CYP3A4: variants seen among roughly 807,000 people sequenced by gnomAD.
The protein encoded by CYP3A4 is cytochrome P450 3A4.
Under a neutral mutation model 54.9 loss-of-function variants are expected in CYP3A4, and 41 were observed. That is an observed-to-expected ratio of 0.75 (90% confidence interval 0.58 to 0.97). CYP3A4 has a LOEUF of 0.97. Ranked by LOEUF, CYP3A4 falls within the 50% of genes least tolerant of loss-of-function variation. The pLI is 0.00. For synonymous variants in CYP3A4, 179 were observed against 205.2 expected (o/e 0.87, Z 1.09); for missense variants, 510 against 597.3 (o/e 0.85, Z 1.52).
chr7:99,757,154 T>C lies in CYP3A4; in HGVS notation c.*979A>G, dbSNP rs1815195106. 6.6e-6 allele frequency: 1 copy of C among 152,184 alleles called. No homozygotes were observed. The highest frequency in any genetic ancestry group is 2.1e-4 in the South Asian group (1 of 4,822). 9.4% of individuals were successfully genotyped at this position (152,184 alleles called of 1,614,324 possible). On this transcript the variant is annotated 3_prime_UTR_variant, in exon 13 of 13. Coordinates refer to ENST00000651514, the MANE Select transcript of CYP3A4 (RefSeq NM_017460.6). ...TATAATAAGAGCTTCAGTTCTTTGT[T>C]ACAAAATGTACGTGCTTCAAAAAGG...
intron 4 of CYP3A4, 115 bp downstream of exon 4, chr7:99,772,475 A>G: frequency 8.6e-6 from 11 of 1,279,394 alleles, no homozygotes; most frequent in South Asian, 6.6e-5. Flanking sequence ...GGACAGGATG[A>G]AGTGGACGTG....
chr7:99,763,223 T>C (rs1375838321), intron 10 of CYP3A4, among the ~76,000 whole-genome samples: 4 of 151,974 alleles, frequency 2.6e-5, no homozygotes, highest in African/African-American at 4.8e-5. Flanking sequence ...TATCCAACTA[T>C]GATGTGTGGA....
rs201431447 is a variant in CYP3A4, at chr7:99,784,050, G to A, written c.32C>T (p.Thr11Ile). 229 of 1,614,068 alleles carry A rather than the reference G, an allele frequency of 1.4e-4. No individual in the cohort carries two copies. The highest frequency in any genetic ancestry group is 1.8e-4 in the Non-Finnish European group (213 of 1,179,944). The change falls in exon 1 of 13, where the codon ACC becomes ATC. Residue 11 changes from threonine (T) to isoleucine (I), a missense_variant. Physicochemically the swap from Thr to Ile is moderately conservative, Grantham distance 89 (BLOSUM62 -1). This residue lies in a region of CYP3A4 where 272 missense variants were observed against 274.9 expected (regional missense o/e 0.99). Transcript: ENST00000651514. MALIPDLAME[T>I]WLLLAVSLVL... ...CAGGCTGACAGCCAGGAGAAGCCAG[G>A]TTTCCATGGCCAAGTCTGGGATGAG...
chr7:99,763,340 A>G (rs1815387216), intron 10 of CYP3A4, among the ~76,000 whole-genome samples: 1 of 152,236 alleles, frequency 6.6e-6, no homozygotes, highest in Non-Finnish European at 1.5e-5. Flanking sequence ...AAATGTGACT[A>G]ATAGGCTATG....
rs1006181087 is a variant in CYP3A4 at position 99,762,118 on chromosome 7, C to T, written c.1176G>A (p.Val392=). The T allele has an allele frequency of 1.2e-6, 2 of 1,613,910 alleles. No homozygotes were observed. Among genetic ancestry groups the T allele is most frequent in the Non-Finnish European group, 1.7e-6 (2 of 1,179,992 alleles). The change falls in exon 11 of 13, where the codon GTG becomes GTA. Residue 392 remains valine, a synonymous_variant. Transcript: ENST00000651514. ...EINGMFIPKG[V]VVMIPSYALH... Reference sequence around the variant, plus strand: ...GAGCATAGCTTGGAATCATCACCACCACCCCTTTGGGAATGAACATCCCAT... The same window carrying T: ...GAGCATAGCTTGGAATCATCACCACTACCCCTTTGGGAATGAACATCCCAT...
chr7:99,780,235 A>T, intron 1 of CYP3A4, 150 bp from the exon 2 acceptor site: 1 of 753,178 alleles, frequency 1.3e-6, no homozygotes, highest in East Asian at 2.9e-5. Flanking sequence ...GGCAATGATT[A>T]TATTTGTTCA....
chr7:99,768,134 T>C lies in CYP3A4; in HGVS notation c.670+220A>G, dbSNP rs537722783. Among the ~76,000 whole-genome samples the C allele has an allele frequency of 7.2e-5, 11 of 152,240 alleles. No individual in the cohort carries two copies. The South Asian group carries it at 1.5e-3, about 20-fold the overall frequency. On this transcript the variant is annotated intron_variant, in intron 7 of 12. Coordinates refer to ENST00000651514, the MANE Select transcript of CYP3A4 (RefSeq NM_017460.6). Reference sequence around the variant, plus strand: ...TTAGTGGTTGCATATGATGACAGGGTTTGTGACAGGGGGCTGATAGCTAAA... The same window carrying C: ...TTAGTGGTTGCATATGATGACAGGGCTTGTGACAGGGGGCTGATAGCTAAA...
At chr7:99,766,926 C>T in intron 8 of CYP3A4, 1 of 455,206 alleles carries the variant, frequency 2.2e-6, no homozygotes, top group Middle Eastern at 5.9e-4. Flanking sequence ...ATTTCATGTG[C>T]TGTCTCTGAC....
At chr7:99,767,078 C>G in intron 8 of CYP3A4, 53 bp downstream of exon 8, 2 of 1,558,394 alleles carry the variant, frequency 1.3e-6, no homozygotes, top group African/African-American at 2.7e-5. Flanking sequence ...TGTATATTAT[C>G]TAAAAAATTA....
intron 4 of CYP3A4, among the ~76,000 whole-genome samples, chr7:99,770,715 AT>A: frequency 6.6e-6 from 1 of 152,338 alleles, no homozygotes; most frequent in East Asian, 1.9e-4. Context: ...TTTAAAAAAA[AT>A]AGTAGGTAAT....
At chr7:99,761,033 G>C in intron 11 of CYP3A4, 52 bp from the exon 12 acceptor site, 4 of 1,586,648 alleles carry the variant, frequency 2.5e-6, no homozygotes, top group Non-Finnish European at 3.4e-6. Flanking sequence ...ATACCCCTAA[G>C]AGTTACATGT....
rs771235578 is a variant in CYP3A4 at position 99,762,133 on chromosome 7, G to A, written c.1161C>T (p.Phe387=). ...CKKDVEINGM[F]IPKGVVVMIP... is the part of the protein sequence containing the mutation. ...TCATCACCACCACCCCTTTGGGAAT[G>A]AACATCCCATTGATCTCAACATCTT... The change falls in exon 11 of 13, where the codon TTC becomes TTT. Residue 387 remains phenylalanine (F), a synonymous_variant. Transcript: ENST00000651514. 5.0e-6 allele frequency: 8 copies of A among 1,613,916 alleles called. No individual in the cohort carries two copies. The South Asian group carries it at 8.8e-5, about 18-fold the overall frequency.
chr7:99,767,237 G>A lies in CYP3A4; in HGVS notation c.692C>T (p.Pro231Leu), dbSNP rs1394709377. Residue 231 changes from proline to leucine, a missense_variant, in exon 8 of 13, where the codon CCA becomes CTA. Physicochemically the swap from Pro to Leu is moderately conservative, Grantham distance 98 (BLOSUM62 -3). Coordinates refer to ENST00000651514, the MANE Select transcript of CYP3A4 (RefSeq NM_017460.6). ...LSITVFPFLI[P>L]ILEVLNICVF... ...ACAGATATTTAATACTTCAAGAATT[G>A]GGATGAGGAATGGAAAGACTGCTGT... 2 of 1,598,650 alleles carry A rather than the reference G, an allele frequency of 1.3e-6. No individual in the cohort carries two copies. The highest frequency in any genetic ancestry group is 1.1e-5 in the South Asian group (1 of 87,192).
At position 99,758,103 on chromosome 7, in the gene CYP3A4, G is replaced by A. The variant is rs371455509; in HGVS notation, c.*30C>T. On this transcript the variant is annotated 3_prime_UTR_variant, in exon 13 of 13. Coordinates refer to ENST00000651514, the MANE Select transcript of CYP3A4 (RefSeq NM_017460.6). The stretch of plus-strand genomic sequence containing the variant: ...TGGTGTTCTCAGGCACAGATTTCTT[G>A]AAGAGCAAAGCAGAAGTCCTTAGGA... 1 of 1,576,978 alleles carries A rather than the reference G, an allele frequency of 6.3e-7. No homozygotes were observed. The highest frequency in any genetic ancestry group is 8.7e-7 in the Non-Finnish European group (1 of 1,146,364).
At chr7:99,774,634 T>C (rs1815713613) in intron 3 of CYP3A4, among the ~76,000 whole-genome samples, 1 of 152,110 alleles carries the variant, frequency 6.6e-6, no homozygotes, top group African/African-American at 2.4e-5. Context: ...TTTGACAAAA[T>C]TCAACAGCCT....
intron 2 of CYP3A4, among the ~76,000 whole-genome samples, chr7:99,779,023 G>A (rs191732511): frequency 6.6e-6 from 1 of 152,302 alleles, no homozygotes; most frequent in African/African-American, 2.4e-5. Flanking sequence ...GACTGCTGCG[G>A]CTGGCCATGT....
At chr7:99,759,920 C>T (rs1219125315) in intron 12 of CYP3A4, among the ~76,000 whole-genome samples, 1 of 151,984 alleles carries the variant, frequency 6.6e-6, no homozygotes, top group African/African-American at 2.4e-5. Flanking sequence ...CTGCAGGCTC[C>T]GCTCCCTGGG....
chr7:99,765,443 G>T (rs1305423149), intron 9 of CYP3A4, among the ~76,000 whole-genome samples: 1 of 152,022 alleles, frequency 6.6e-6, no homozygotes, highest in African/African-American at 2.4e-5. Context: ...ATGATAGATG[G>T]ATAAATGATA....
intron 1 of CYP3A4, among the ~76,000 whole-genome samples, chr7:99,783,606 CTTTTTT>C (rs11432957): frequency 1.9e-5 from 2 of 103,826 alleles, no homozygotes; most frequent in South Asian, 3.5e-4. Context: ...CCTTGAACAT[CTTTTTT>C]TTTTTTTTTT....
Sources: allele counts gnomAD v4.1 joint callset (sites outside exome capture counted in the v4.1 genomes callset), GRCh38; gene constraint gnomAD v4.1.1; regional missense constraint gnomAD v4.1.1; transcripts MANE v1.5; gene names NCBI Gene and HGNC (gene_info 2026-07-23, HGNC 2026-07-21).